SLC12A1: variants seen among roughly 807,000 people sequenced by gnomAD.
SLC12A1 encodes Na-K-2Cl cotransporter.
Under a neutral mutation model 130.4 loss-of-function variants are expected in SLC12A1, and 89 were observed. The observed-to-expected ratio is 0.68, with a 90% CI of 0.58 to 0.81. The LOEUF (loss-of-function observed/expected upper bound fraction) is 0.81, where lower values mean the gene tolerates loss of function less well. Ranked by LOEUF, SLC12A1 falls within the 40% of genes least tolerant of loss-of-function variation. The pLI is 0.00. For missense variants in SLC12A1, 1,310 were observed against 1,336.4 expected (o/e 0.98, Z 0.31); for synonymous variants, 499 against 460.0 (o/e 1.08, Z -1.09).
At chr15:48,246,234 A>C (rs931411089) in intron 11 of SLC12A1, among the ~76,000 whole-genome samples, 2 of 152,170 alleles carry the variant, frequency 1.3e-5, no homozygotes, top group African/African-American at 4.8e-5. Context: ...AAGAAAGGTT[A>C]ATGGCTGTAA....
chr15:48,246,843 G>T, intron 11 of SLC12A1, 66 bp from the exon 12 acceptor site: 1 of 1,013,060 alleles, frequency 9.9e-7, no homozygotes, highest in Non-Finnish European at 1.6e-6. Context: ...GTAGTTGAAA[G>T]CCGTTTGCTT....
chr15:48,240,883 A>G (rs2041508155), intron 9 of SLC12A1, among the ~76,000 whole-genome samples: 1 of 152,204 alleles, frequency 6.6e-6, no homozygotes, highest in Non-Finnish European at 1.5e-5. Context: ...AACTTAGTGA[A>G]TGTATATACA....
At chr15:48,213,766 G>A (rs920825399) in intron 2 of SLC12A1, among the ~76,000 whole-genome samples, 8 of 151,764 alleles carry the variant, frequency 5.3e-5, no homozygotes, top group African/African-American at 1.7e-4. Flanking sequence ...CTCGTGATCC[G>A]CCCACCTCAA....
chr15:48,217,213 T>C (rs2041133189), intron 2 of SLC12A1, among the ~76,000 whole-genome samples: 1 of 152,222 alleles, frequency 6.6e-6, no homozygotes, highest in Non-Finnish European at 1.5e-5. Flanking sequence ...AATACTTATA[T>C]TGCAAATATT....
intron 11 of SLC12A1, among the ~76,000 whole-genome samples, chr15:48,246,122 A>G (rs1456608197): frequency 6.6e-6 from 1 of 152,240 alleles, no homozygotes; most frequent in Non-Finnish European, 1.5e-5. Flanking sequence ...TTATTCCAAA[A>G]TATGACTTAA....
chr15:48,275,133 T>G (rs2041937846), intron 20 of SLC12A1, among the ~76,000 whole-genome samples: 1 of 152,124 alleles, frequency 6.6e-6, no homozygotes, highest in Non-Finnish European at 1.5e-5. Flanking sequence ...TTCAGATGAG[T>G]GACTCTTTGT....
chr15:48,240,107 AT>A (rs1419891706), intron 9 of SLC12A1, among the ~76,000 whole-genome samples: 1 of 134,152 alleles, frequency 7.5e-6, no homozygotes, highest in African/African-American at 3.1e-5. Context: ...ATATATATAT[AT>A]ATCCATATAT....
At chr15:48,272,242 A>G (rs1207819100) in intron 19 of SLC12A1, among the ~76,000 whole-genome samples, 1 of 152,252 alleles carries the variant, frequency 6.6e-6, no homozygotes, top group Non-Finnish European at 1.5e-5. Flanking sequence ...AATGGGGCTA[A>G]TAATGACAAT....
chr15:48,273,161 C>G (rs1437816245), intron 19 of SLC12A1, among the ~76,000 whole-genome samples: 1 of 151,326 alleles, frequency 6.6e-6, no homozygotes, highest in East Asian at 2.0e-4. Flanking sequence ...ATTAGTCTGG[C>G]ACGTGTGGGC....
At chr15:48,240,052 T>TATAC (rs1567316937) in intron 9 of SLC12A1, among the ~76,000 whole-genome samples, 1 of 32,880 alleles carries the variant, frequency 3.0e-5, no homozygotes, top group Non-Finnish European at 8.1e-5. Context: ...TATATATCCA[T>TATAC]ATATATATAT....
intron 10 of SLC12A1, 99 bp downstream of exon 10, chr15:48,241,698 T>G: frequency 1.2e-6 from 1 of 826,610 alleles, no homozygotes; most frequent in Non-Finnish European, 2.0e-6. Context: ...CAGAGTTTTT[T>G]AAAAGGCAAC....
intron 20 of SLC12A1, among the ~76,000 whole-genome samples, chr15:48,275,328 A>G (rs566397271): frequency 6.6e-6 from 1 of 152,316 alleles, no homozygotes; most frequent in Non-Finnish European, 1.5e-5. Context: ...TTAAGAAAAA[A>G]CAATGCTTTT....
At chr15:48,227,507 T>G in intron 5 of SLC12A1, 1 of 317,954 alleles carries the variant, frequency 3.1e-6, no homozygotes, top group Middle Eastern at 1.1e-3. Context: ...TCAGCATGGG[T>G]CTTCTCCAAT....
At position 48,254,692 on chromosome 15, in the gene SLC12A1, C is replaced by T. The variant is rs189855829; in HGVS notation, c.1943-1119C>T. ...ATCCCAGCACTTTGGGAGGGTGAGG[C>T]GGGTGGATCACGATGTCAGGAGATG... On this transcript the variant is annotated intron_variant, in intron 15 of 26. Coordinates refer to ENST00000380993, the MANE Select transcript of SLC12A1 (RefSeq NM_000338.3). Among the ~76,000 whole-genome samples, 113 of 139,074 alleles carry T rather than the reference C, an allele frequency of 8.1e-4. No homozygotes were observed. In the East Asian group the frequency reaches 0.019, roughly 23 times the overall value. 91.2% of individuals were successfully genotyped at this position (139,074 alleles called of 152,430 possible).
intron 23 of SLC12A1, among the ~76,000 whole-genome samples, chr15:48,290,753 TATG>T (rs1206951795): frequency 2.0e-5 from 3 of 152,120 alleles, no homozygotes; most frequent in Non-Finnish European, 4.4e-5. Context: ...ATCAAAGCAA[TATG>T]ATATTTGTAT....
In SLC12A1 at chr15:48,246,978, G is replaced by T; in HGVS notation, c.1522G>T (p.Ala508Ser). The change falls in exon 12 of 27, where the codon GCC becomes TCC. Residue 508 changes from alanine (A) to serine (S), a missense_variant. By Grantham distance (99) the Ala-to-Ser change is moderately conservative (BLOSUM62 1). Coordinates refer to ENST00000380993, the MANE Select transcript of SLC12A1 (RefSeq NM_000338.3). ...AGIFSATLSS[A>S]LASLVSAPKV... ...AATCTTTTCTGCAACACTCTCCTCC[G>T]CCCTGGCCTCCCTTGTCAGCGCACC... 1 of 1,613,852 alleles carries T rather than the reference G, an allele frequency of 6.2e-7. No individual in the cohort carries two copies. The highest frequency in any genetic ancestry group is 8.5e-7 in the Non-Finnish European group (1 of 1,179,834).
At chr15:48,302,412 A>C (rs1238271774) in intron 26 of SLC12A1, among the ~76,000 whole-genome samples, 2 of 151,524 alleles carry the variant, frequency 1.3e-5, no homozygotes, top group Non-Finnish European at 2.9e-5. Context: ...TGAGGTCAGG[A>C]GATCGAGACC....
At chr15:48,271,839 G>A (rs2041901891) in intron 19 of SLC12A1, among the ~76,000 whole-genome samples, 1 of 152,170 alleles carries the variant, frequency 6.6e-6, no homozygotes, top group Admixed American at 6.5e-5. Flanking sequence ...GTCAGTTGCT[G>A]ATCAGACATT....
intron 16 of SLC12A1, among the ~76,000 whole-genome samples, chr15:48,258,666 G>C (rs1309269514): frequency 1.3e-5 from 2 of 151,988 alleles, no homozygotes; most frequent in Non-Finnish European, 2.9e-5. Context: ...CACATTTTTG[G>C]GTATCTTTAC....
Sources: gnomAD v4.1 joint callset for allele counts (sites outside exome capture counted in the v4.1 genomes callset) on GRCh38, gnomAD v4.1.1 for gene constraint, MANE v1.5 for transcripts, NCBI Gene and HGNC (gene_info 2026-07-23, HGNC 2026-07-21) for gene names.